The following EPDR1 variants were observed in gnomAD, a reference collection of about 807,000 sequenced individuals.
The protein encoded by EPDR1 is ependymin related 1, also known as mammalian ependymin-related protein 1.
EPDR1 carries 27 observed loss-of-function variants against 23.7 expected under a neutral mutation model. That is an observed-to-expected ratio of 1.14 (90% confidence interval 0.84 to 1.57). EPDR1 has a LOEUF of 1.57. EPDR1 is among the 40% of genes most tolerant of loss of function. EPDR1 has a pLI of 0.00. For missense variants in EPDR1, 349 were observed against 290.4 expected, an observed-to-expected ratio of 1.20 and a Z score of -1.47; for synonymous variants, 137 against 118.2, an observed-to-expected ratio of 1.16 and a Z score of -1.03.
rs1315285900 is a variant in EPDR1, at chr7:37,920,847, G to A, written c.-93G>A. Reference sequence around the variant, plus strand: ...GTCCAGACCACACTCCCGGCACAGTGCGGAAAGAGCCGGCGGGAGCCACTC... The same window carrying A: ...GTCCAGACCACACTCCCGGCACAGTACGGAAAGAGCCGGCGGGAGCCACTC... On this transcript the variant is annotated 5_prime_UTR_variant, in exon 1 of 3. Coordinates refer to ENST00000199448, the MANE Select transcript of EPDR1 (RefSeq NM_017549.5). 1.2e-6 allele frequency: 2 copies of A among 1,610,602 alleles called. No individual in the cohort carries two copies. The highest frequency in any genetic ancestry group is 2.2e-5 in the South Asian group (2 of 90,554).
chr7:37,944,864 C>T (rs1279873610), intron 1 of EPDR1, among the ~76,000 whole-genome samples: 1 of 152,186 alleles, frequency 6.6e-6, no homozygotes, highest in African/African-American at 2.4e-5. Context: ...AACCCCCTCT[C>T]CTGCACATGG....
At chr7:37,927,126 G>A (rs1785829992) in intron 1 of EPDR1, among the ~76,000 whole-genome samples, 1 of 152,088 alleles carries the variant, frequency 6.6e-6, no homozygotes, top group South Asian at 2.1e-4. Flanking sequence ...ACTTTTCCTG[G>A]AGAATAATAT....
chr7:37,934,328 T>C (rs1031258264), intron 1 of EPDR1, among the ~76,000 whole-genome samples: 1 of 152,318 alleles, frequency 6.6e-6, no homozygotes, highest in Admixed American at 6.5e-5. Context: ...GCATGTTGAC[T>C]TGTTGCCTCA....
At chr7:37,921,344 A>G (rs764112163) in intron 1 of EPDR1, 136 bp downstream of exon 1, 1 of 1,420,862 alleles carries the variant, frequency 7.0e-7, no homozygotes, top group Non-Finnish European at 9.1e-7. Flanking sequence ...ATCTTTCGCG[A>G]GGAGGGTCTC....
Position 37,950,749 on chromosome 7 carries a change from A to G in EPDR1, c.*353A>G. ...GTAAGAGAAGTTTGCCTTGGCAGCAAGTATTTATTGTTGACATTATTCAGA... is the reference window on the plus strand; with the variant it reads ...GTAAGAGAAGTTTGCCTTGGCAGCAGGTATTTATTGTTGACATTATTCAGA... On this transcript the variant is annotated 3_prime_UTR_variant, in exon 3 of 3. Transcript: ENST00000199448. The G allele has an allele frequency of 5.2e-6, 1 of 192,834 alleles. No homozygotes were observed. Among genetic ancestry groups the G allele is most frequent in the Non-Finnish European group, 1.0e-5 (1 of 95,308 alleles). 11.9% of individuals were successfully genotyped at this position (192,834 alleles called of 1,614,324 possible).
intron 1 of EPDR1, among the ~76,000 whole-genome samples, chr7:37,924,374 A>G (rs1389216763): frequency 6.6e-6 from 1 of 152,180 alleles, no homozygotes; most frequent in African/African-American, 2.4e-5. Flanking sequence ...CACAATAGAG[A>G]TGACTTGGTG....
At chr7:37,937,126 G>A (rs1786069203) in intron 1 of EPDR1, among the ~76,000 whole-genome samples, 1 of 152,178 alleles carries the variant, frequency 6.6e-6, no homozygotes, top group Non-Finnish European at 1.5e-5. Context: ...TTAGGTATGT[G>A]ATAAGGGTGG....
At chr7:37,927,743 G>T (rs1306094243) in intron 1 of EPDR1, among the ~76,000 whole-genome samples, 5 of 152,138 alleles carry the variant, frequency 3.3e-5, no homozygotes, top group African/African-American at 4.8e-5. Context: ...TGCATGGATT[G>T]GATTTTCATT....
intron 1 of EPDR1, among the ~76,000 whole-genome samples, chr7:37,942,087 A>T (rs1328537267): frequency 2.0e-5 from 3 of 152,228 alleles, no homozygotes; most frequent in Non-Finnish European, 4.4e-5. Context: ...GCATAGTTAG[A>T]AAACAAATAA....
chr7:37,949,063 A>G lies in EPDR1; in HGVS notation c.478+15A>G, dbSNP rs2132021684. 2 of 1,611,562 alleles carry G rather than the reference A, an allele frequency of 1.2e-6. No homozygotes were observed. The highest frequency in any genetic ancestry group is 2.2e-5 in the South Asian group (2 of 91,006). On this transcript the variant is annotated intron_variant, in intron 2 of 2. Coordinates refer to ENST00000199448, the MANE Select transcript of EPDR1 (RefSeq NM_017549.5). ...AGCTAGATCCTGTAAGGGTTCAAAG[A>G]ATCTAAGCATTGTATTCAGCATGCA...
intron 1 of EPDR1, among the ~76,000 whole-genome samples, chr7:37,924,455 G>C (rs1355852162): frequency 6.6e-6 from 1 of 152,198 alleles, no homozygotes; most frequent in African/African-American, 2.4e-5. Flanking sequence ...GGTGAGTACT[G>C]CTCAAGTCTG....
At chr7:37,931,080 AG>A (rs1225716451) in intron 1 of EPDR1, among the ~76,000 whole-genome samples, 1 of 151,894 alleles carries the variant, frequency 6.6e-6, no homozygotes, top group African/African-American at 2.4e-5. Context: ...GAAGACACTA[AG>A]GTTGCATACT....
intron 1 of EPDR1, among the ~76,000 whole-genome samples, chr7:37,942,384 T>G (rs1261226497): frequency 6.6e-6 from 1 of 152,332 alleles, no homozygotes; most frequent in Non-Finnish European, 1.5e-5. Flanking sequence ...TCCACTTACA[T>G]GAGCTATGTA....
chr7:37,938,982 A>ATTTT (rs35030069), intron 1 of EPDR1, among the ~76,000 whole-genome samples: 3 of 144,504 alleles, frequency 2.1e-5, no homozygotes, highest in Non-Finnish European at 3.0e-5. Context: ...GGCATGACCA[A>ATTTT]TTTTTTTTTT....
intron 1 of EPDR1, among the ~76,000 whole-genome samples, chr7:37,930,299 C>A (rs541017128): frequency 6.6e-6 from 1 of 152,322 alleles, no homozygotes; most frequent in Admixed American, 6.5e-5. Flanking sequence ...CCAGGGAAGA[C>A]AGTGGCAGAT....
chr7:37,950,514 G>A lies in EPDR1; in HGVS notation c.*118G>A. On this transcript the variant is annotated 3_prime_UTR_variant, in exon 3 of 3. Transcript: ENST00000199448. The stretch of plus-strand genomic sequence containing the variant: ...TTGGAGAGAAATATAATTTTAGGAA[G>A]ATGCACATTGATGTGGGGTTTTGAT... The A allele has an allele frequency of 1.1e-6, 1 of 946,798 alleles. No individual in the cohort carries two copies. Among genetic ancestry groups the A allele is most frequent in the Non-Finnish European group, 1.5e-6 (1 of 647,928 alleles). 58.6% of individuals were successfully genotyped at this position (946,798 alleles called of 1,614,324 possible). A position where few individuals can be genotyped will look rare whatever the true frequency, so the allele number is the denominator to read the frequency against.
At position 37,923,659 on chromosome 7, in the gene EPDR1, T is replaced by G. The variant is rs140690087; in HGVS notation, c.269+2451T>G. Among the ~76,000 whole-genome samples, 809 of 152,094 alleles carry G rather than the reference T, an allele frequency of 5.3e-3. 3 individuals are homozygous for G. Among genetic ancestry groups the G allele is most frequent in the Middle Eastern group, 0.014 (4 of 292 alleles). On this transcript the variant is annotated intron_variant, in intron 1 of 2. Coordinates refer to ENST00000199448, the MANE Select transcript of EPDR1 (RefSeq NM_017549.5). The stretch of plus-strand genomic sequence containing the variant: ...AAAGAGAAGGATAAGGGTTCATCTC[T>G]CCAAAGGTAGTATTTTTTTTTTTAC...
At chr7:37,948,519 AT>A (rs1355547344) in intron 1 of EPDR1, among the ~76,000 whole-genome samples, 6 of 151,314 alleles carry the variant, frequency 4.0e-5, no homozygotes, top group Non-Finnish European at 5.9e-5. Flanking sequence ...AATTTTTAAA[AT>A]TTTTTTTCTA....
Position 37,937,985 on chromosome 7 carries a change from A to ATTTTTTTT in EPDR1, c.270-10839_270-10832dup, listed in dbSNP as rs35752051. Among the ~76,000 whole-genome samples the ATTTTTTTT allele has an allele frequency of 8.9e-3, 641 of 72,376 alleles. 50 individuals are homozygous for ATTTTTTTT. The highest frequency in any genetic ancestry group is 0.024 in the African/African-American group (495 of 20,734). The allele number at this position is 72,376 out of a possible 152,430, so 47.5% of individuals were successfully genotyped here. On this transcript the variant is annotated intron_variant, in intron 1 of 2. Transcript: ENST00000199448. ...CTGAAGAAAAATGGGTGCCCTTTAA[A>ATTTTTTTT]TTTTTTTTTTTTTTTTTTTTTTTGA...
Sources: gnomAD v4.1 joint callset for allele counts (sites outside exome capture counted in the v4.1 genomes callset) on GRCh38, gnomAD v4.1.1 for gene constraint, MANE v1.5 for transcripts, NCBI Gene and HGNC (gene_info 2026-07-23, HGNC 2026-07-21) for gene names.